Variants in CNTNAP2 observed in about 807,000 individuals in gnomAD.
CNTNAP2 encodes the protein contactin associated protein 2.
In CNTNAP2, 98 loss-of-function variants were observed where a neutral mutation model predicts 155.2. The observed-to-expected ratio is 0.63, with a 90% CI of 0.54 to 0.75. The LOEUF (loss-of-function observed/expected upper bound fraction) is 0.75. CNTNAP2 is among the 30% of genes least tolerant of loss of function. The pLI is 0.00. For missense variants in CNTNAP2, 1,727 were observed against 1,688.1 expected, an observed-to-expected ratio of 1.02 and a Z score of -0.40; for synonymous variants, 651 against 631.2, an observed-to-expected ratio of 1.03 and a Z score of -0.47.
chr7:148,204,172 A>G (rs1229933030), intron 18 of CNTNAP2, among the ~76,000 whole-genome samples: 2 of 152,190 alleles, frequency 1.3e-5, no homozygotes, highest in Non-Finnish European at 2.9e-5. Flanking sequence ...CTCAGCTGTG[A>G]TAGTCTATCT....
chr7:146,940,259 G>T (rs912331735), intron 3 of CNTNAP2, among the ~76,000 whole-genome samples: 1 of 151,954 alleles, frequency 6.6e-6, no homozygotes, highest in Non-Finnish European at 1.5e-5. Flanking sequence ...AGGCTGGAGT[G>T]CAGTGGCACG....
chr7:148,362,352 G>C (rs1798640761), intron 21 of CNTNAP2, among the ~76,000 whole-genome samples: 1 of 152,150 alleles, frequency 6.6e-6, no homozygotes, highest in South Asian at 2.1e-4. Flanking sequence ...GATTTGGGTG[G>C]GGACACAGAG....
At chr7:147,597,013 C>T (rs1413816139) in intron 12 of CNTNAP2, among the ~76,000 whole-genome samples, 1 of 152,172 alleles carries the variant, frequency 6.6e-6, no homozygotes, top group Non-Finnish European at 1.5e-5. Flanking sequence ...GAATTGCCCA[C>T]CCCTTTCCCA....
At chr7:147,550,983 A>G (rs886617785) in intron 11 of CNTNAP2, among the ~76,000 whole-genome samples, 1 of 152,214 alleles carries the variant, frequency 6.6e-6, no homozygotes, top group Non-Finnish European at 1.5e-5. Context: ...CATAGAATTT[A>G]AATATTCAGT....
intron 1 of CNTNAP2, among the ~76,000 whole-genome samples, chr7:146,566,780 G>A (rs1013363279): frequency 2.0e-5 from 3 of 152,006 alleles, no homozygotes; most frequent in Non-Finnish European, 4.4e-5. Context: ...AAGTAACCTA[G>A]TTGGATTATA....
chr7:147,801,779 C>G (rs576458434), intron 13 of CNTNAP2, among the ~76,000 whole-genome samples: 20 of 152,338 alleles, frequency 1.3e-4, no homozygotes, highest in Middle Eastern at 3.4e-3. Context: ...CACCCTTCCC[C>G]CCTTTCCATT....
At chr7:147,761,456 A>AG (rs1209548661) in intron 13 of CNTNAP2, among the ~76,000 whole-genome samples, 1 of 152,148 alleles carries the variant, frequency 6.6e-6, no homozygotes, top group East Asian at 1.9e-4. Flanking sequence ...CAAAACAGAA[A>AG]GCCCCGAAGT....
At chr7:147,405,723 A>G (rs146582322) in intron 10 of CNTNAP2, among the ~76,000 whole-genome samples, 235 of 152,322 alleles carry the variant, frequency 1.5e-3, no homozygotes, top group Admixed American at 2.9e-3. Context: ...AACAAACACA[A>G]AACCATAAGT....
intron 9 of CNTNAP2, among the ~76,000 whole-genome samples, chr7:147,315,248 T>C (rs1324709577): frequency 6.8e-6 from 1 of 147,706 alleles, no homozygotes; most frequent in Admixed American, 6.8e-5. Context: ...AGAAATCATA[T>C]GCTATAAAAT....
chr7:146,750,022 CTG>C (rs1000935899), intron 1 of CNTNAP2, among the ~76,000 whole-genome samples: 10 of 152,250 alleles, frequency 6.6e-5, no homozygotes, highest in South Asian at 2.1e-4. Context: ...ACTCCCAGAT[CTG>C]TGAGGTCCTG....
At chr7:147,661,964 G>T (rs1484750657) in intron 13 of CNTNAP2, among the ~76,000 whole-genome samples, 1 of 151,852 alleles carries the variant, frequency 6.6e-6, no homozygotes, top group African/African-American at 2.4e-5. Context: ...CCCTTCCTTT[G>T]TCTCTAATAA....
intron 3 of CNTNAP2, among the ~76,000 whole-genome samples, chr7:146,890,518 G>T (rs976098069): frequency 1.3e-5 from 2 of 152,096 alleles, no homozygotes; most frequent in Non-Finnish European, 2.9e-5. Flanking sequence ...GCCATGTTTT[G>T]AAATATTTGT....
At position 148,409,478 on chromosome 7, in the gene CNTNAP2, G is replaced by T; in HGVS notation, c.3796+7G>T. ...AACTCGGCTATCATTGGAGGTAGGT[G>T]ATGTCTAGAGGAGGCTTATATGGGG... On this transcript the variant is annotated splice_region_variant and intron_variant, in intron 23 of 23. Transcript: ENST00000361727. 4.3e-6 allele frequency: 7 copies of T among 1,612,482 alleles called. No individual in the cohort carries two copies. The highest frequency in any genetic ancestry group is 5.9e-6 in the Non-Finnish European group (7 of 1,178,558).
chr7:146,828,270 G>A (rs1210037642), intron 2 of CNTNAP2, among the ~76,000 whole-genome samples: 1 of 151,960 alleles, frequency 6.6e-6, no homozygotes, highest in African/African-American at 2.4e-5. Flanking sequence ...AATAAATGGT[G>A]TAAATAATAT....
intron 18 of CNTNAP2, among the ~76,000 whole-genome samples, chr7:148,182,907 T>G (rs545413687): frequency 6.6e-6 from 1 of 152,388 alleles, no homozygotes; most frequent in Non-Finnish European, 1.5e-5. Flanking sequence ...AGGTGGCTTT[T>G]ACAGTATTCA....
rs138549642 is a variant in CNTNAP2 at position 147,378,442 on chromosome 7, T to C, written c.1499-17167T>C. ...TCAGCCATATAAAAGAATGAGATCTTGTCATTTGCAACTACATAGATAGAA... is the reference window on the plus strand; with the variant it reads ...TCAGCCATATAAAAGAATGAGATCTCGTCATTTGCAACTACATAGATAGAA... On this transcript the variant is annotated intron_variant, in intron 9 of 23. Transcript: ENST00000361727. Among the ~76,000 whole-genome samples, 54 of 152,186 alleles carry C rather than the reference T, an allele frequency of 3.5e-4. 1 individual carries two copies. Among genetic ancestry groups the C allele is most frequent in the African/African-American group, 1.3e-3 (52 of 41,552 alleles).
intron 8 of CNTNAP2, among the ~76,000 whole-genome samples, chr7:147,202,385 T>C: frequency 6.6e-6 from 1 of 152,126 alleles, no homozygotes; most frequent in East Asian, 1.9e-4. Flanking sequence ...AATGAGATTA[T>C]GCATGATTCT....
intron 1 of CNTNAP2, among the ~76,000 whole-genome samples, chr7:146,387,473 C>T (rs1380232127): frequency 1.3e-5 from 2 of 152,174 alleles, no homozygotes; most frequent in Admixed American, 6.5e-5. Context: ...GATGGGTAGA[C>T]CTTGGAAGAG....
chr7:146,583,908 G>T (rs769800518), intron 1 of CNTNAP2, among the ~76,000 whole-genome samples: 1 of 152,052 alleles, frequency 6.6e-6, no homozygotes, highest in Non-Finnish European at 1.5e-5. Context: ...TTTACATAAC[G>T]ATTTGGGATT....
Sources: gnomAD v4.1 joint callset for allele counts (sites outside exome capture counted in the v4.1 genomes callset) on GRCh38, gnomAD v4.1.1 for gene constraint, MANE v1.5 for transcripts, NCBI Gene and HGNC (gene_info 2026-07-23, HGNC 2026-07-21) for gene names.